Variants in ARHGAP27 observed in about 807,000 individuals in gnomAD.
ARHGAP27 encodes rho GTPase-activating protein 27.
Under a neutral mutation model 102.0 loss-of-function variants are expected in ARHGAP27, and 53 were observed. The observed-to-expected ratio is 0.52, with a 90% CI of 0.42 to 0.65. The LOEUF is 0.65. ARHGAP27 is among the 30% of genes least tolerant of loss of function. The pLI is 0.00. For synonymous variants in ARHGAP27, 525 were observed against 542.8 expected, an observed-to-expected ratio of 0.97 and a Z score of 0.46; for missense variants, 1,117 against 1,256.2, an observed-to-expected ratio of 0.89 and a Z score of 1.68.
chr17:45,400,313 A>T (rs1423707464), intron 12 of ARHGAP27, among the ~76,000 whole-genome samples: 1 of 152,184 alleles, frequency 6.6e-6, no homozygotes, highest in Non-Finnish European at 1.5e-5. Context: ...AAAGCCATCC[A>T]TCCTCAATGA....
At chr17:45,402,684 TC>T in intron 12 of ARHGAP27, 29 bp downstream of exon 12, 1 of 1,569,476 alleles carries the variant, frequency 6.4e-7, no homozygotes, top group East Asian at 2.3e-5. Context: ...CTAAGCCCCT[TC>T]CCTCCTTCTC....
At chr17:45,425,203 C>A (rs1421650067) in intron 4 of ARHGAP27, among the ~76,000 whole-genome samples, 1 of 151,776 alleles carries the variant, frequency 6.6e-6, no homozygotes, top group East Asian at 1.9e-4. Flanking sequence ...GCAGGGCCAC[C>A]CCAGGGTGGC....
At chr17:45,395,903 C>T in intron 18 of ARHGAP27, 54 bp from the exon 19 acceptor site, 2 of 1,569,848 alleles carry the variant, frequency 1.3e-6, no homozygotes, top group Admixed American at 1.8e-5. Context: ...TAGGGGGTAT[C>T]GGCTGGGCGA....
rs781451544 is a variant in ARHGAP27, at chr17:45,402,705, G to A, written c.1743+9C>T. On this transcript the variant is annotated intron_variant, in intron 12 of 19. Transcript: ENST00000685559. ...CCCTTCCCTCCTTCTCCCCAACCCCGCCACTCACCTCCAGCACATTCTTCC... is the reference window on the plus strand; with the variant it reads ...CCCTTCCCTCCTTCTCCCCAACCCCACCACTCACCTCCAGCACATTCTTCC... 7 of 1,603,246 alleles carry A rather than the reference G, an allele frequency of 4.4e-6. No individual in the cohort carries two copies. The highest frequency in any genetic ancestry group is 2.2e-5 in the East Asian group (1 of 44,662).
intron 4 of ARHGAP27, among the ~76,000 whole-genome samples, chr17:45,428,219 C>T (rs2049793554): frequency 6.6e-6 from 1 of 152,234 alleles, no homozygotes; most frequent in Non-Finnish European, 1.5e-5. Flanking sequence ...GGGTGCCGTT[C>T]CCCACCCTGG....
At position 45,430,192 on chromosome 17, in the gene ARHGAP27, G is replaced by T; in HGVS notation, c.88C>A (p.Arg30=). ...TGKDGRRVAI[R]PNERYRLLRR... is the part of the protein sequence containing the mutation. ...AGCAGCCGGTAGCGCTCATTCGGCC[G>T]GATGGCCACGCGGCGCCCGTCCTTG... Residue 30 remains arginine (R), a synonymous_variant, in exon 4 of 20, where the codon CGG becomes AGG. Transcript: ENST00000685559. The surrounding 1 kb of genome is among the most constrained non-coding windows in gnomAD (Gnocchi z 4.4). 6.5e-7 allele frequency: 1 copy of T among 1,547,864 alleles called. No individual in the cohort carries two copies. The highest frequency in any genetic ancestry group is 8.7e-7 in the Non-Finnish European group (1 of 1,154,194).
chr17:45,409,666 C>T lies in ARHGAP27; in HGVS notation c.658-3583G>A, dbSNP rs376835318. On this transcript the variant is annotated intron_variant, in intron 4 of 19. Transcript: ENST00000685559. ...AACTCTCGGCAGACCCTGCACAGTG[C>T]TGAGATAGAGATGCTCTCCTCTCCT... 7.8e-4 allele frequency: 121 copies of T among 155,140 alleles called. 1 individual carries two copies. The highest frequency in any genetic ancestry group is 7.2e-4 in the Non-Finnish European group (50 of 69,696). 9.6% of individuals were successfully genotyped at this position (155,140 alleles called of 1,614,324 possible).
Position 45,429,503 on chromosome 17 carries a change from G to C in ARHGAP27, c.657+120C>G, listed in dbSNP as rs750284680. 7.2e-6 allele frequency: 11 copies of C among 1,517,352 alleles called. No homozygotes were observed. In the African/African-American group the frequency reaches 1.3e-4, roughly 18 times the overall value. The allele number at this position is 1,517,352 out of a possible 1,614,324, so 94.0% of individuals were successfully genotyped here. The stretch of plus-strand genomic sequence containing the variant: ...GAGAGGGAGCTCATCCGAAGTCTTC[G>C]GACAGAGGTGGGCGTCGTGCCCGAC... On this transcript the variant is annotated intron_variant, in intron 4 of 19. Transcript: ENST00000685559.
Position 45,427,787 on chromosome 17 carries a change from CT to C in ARHGAP27, c.657+1835del, listed in dbSNP as rs1249427553. Among the ~76,000 whole-genome samples the C allele has an allele frequency of 1.3e-5, 2 of 152,224 alleles. No homozygotes were observed. Among genetic ancestry groups the C allele is most frequent in the African/African-American group, 2.4e-5 (1 of 41,462 alleles). ...CTGGCCAATGTCCTAGATTCCCCCC[CT>C]GGGTAAGTCCCCTACCCCTATCATC... is the stretch of plus-strand genomic sequence containing the variant. On this transcript the variant is annotated intron_variant, in intron 4 of 19. Transcript: ENST00000685559. The surrounding 1 kb of genome is among the most constrained non-coding windows in gnomAD (Gnocchi z 4.5).
intron 4 of ARHGAP27, among the ~76,000 whole-genome samples, chr17:45,412,759 G>C (rs2048052067): frequency 6.6e-6 from 1 of 152,104 alleles, no homozygotes; most frequent in Admixed American, 6.5e-5. Flanking sequence ...CATGTCCAGG[G>C]GCAGGATCGG....
intron 4 of ARHGAP27, 113 bp from the exon 5 acceptor site, chr17:45,406,196 C>G (rs1411423825): frequency 7.8e-7 from 1 of 1,274,540 alleles, no homozygotes; most frequent in African/African-American, 1.5e-5. Flanking sequence ...GCTTTATTTT[C>G]TTTAAACTTT....
chr17:45,401,171 AT>A (rs1389751916), intron 12 of ARHGAP27, among the ~76,000 whole-genome samples: 1 of 151,932 alleles, frequency 6.6e-6, no homozygotes, highest in Non-Finnish European at 1.5e-5. Context: ...GTGAGCCCCC[AT>A]CTCTATAAAA....
At chr17:45,395,707 C>T (rs1390884708) in intron 19 of ARHGAP27, 37 bp downstream of exon 19, 2 of 1,569,034 alleles carry the variant, frequency 1.3e-6, no homozygotes, top group African/African-American at 1.4e-5. Context: ...TCAGCCGGGA[C>T]CTGCCTCCCC....
At chr17:45,409,959 G>A in intron 4 of ARHGAP27, 1 of 456,202 alleles carries the variant, frequency 2.2e-6, no homozygotes, top group Middle Eastern at 5.7e-4. Flanking sequence ...TGGCTCTCAG[G>A]CTCCAGGCTG....
Position 45,396,210 on chromosome 17 carries a change from G to A in ARHGAP27, c.2248C>T (p.His750Tyr). 6.2e-7 allele frequency: 1 copy of A among 1,610,622 alleles called. No individual in the cohort carries two copies. The highest frequency in any genetic ancestry group is 8.5e-7 in the Non-Finnish European group (1 of 1,177,826). Residue 750 changes from histidine (H) to tyrosine (Y), a missense_variant, in exon 17 of 20, where the codon CAC becomes TAC. His to Tyr is a moderately conservative substitution (Grantham distance 83). Coordinates refer to ENST00000685559, the MANE Select transcript of ARHGAP27 (RefSeq NM_001282290.2). ...AGGGGTTGGGGACGGGCCTCACCGT[G>A]GTCCACCTTATAGCGTAGCTTCTGG... is the stretch of plus-strand genomic sequence containing the variant. ...TIQKLRYKVD[H>Y]DERLDLDDGR...
chr17:45,416,653 A>G (rs995921609), intron 4 of ARHGAP27, among the ~76,000 whole-genome samples: 6 of 151,100 alleles, frequency 4.0e-5, no homozygotes, highest in African/African-American at 1.5e-4. Context: ...GGTTCAAGCA[A>G]TTCTCTGCCT....
In ARHGAP27 at chr17:45,395,154, C is replaced by T; in HGVS notation, c.*302G>A. On this transcript the variant is annotated 3_prime_UTR_variant, in exon 20 of 20. Transcript: ENST00000685559. ...CCATTCCAGAAAACAAACTCTCACC[C>T]CCACACACGCTATCGCACACGCACA... 2 of 459,402 alleles carry T rather than the reference C, an allele frequency of 4.4e-6. No homozygotes were observed. Among genetic ancestry groups the T allele is most frequent in the Non-Finnish European group, 7.8e-6 (2 of 257,142 alleles). 28.5% of individuals were successfully genotyped at this position (459,402 alleles called of 1,614,324 possible). A position where few individuals can be genotyped will look rare whatever the true frequency, so the allele number is the denominator to read the frequency against.
chr17:45,397,289 A>C, intron 13 of ARHGAP27: 1 of 1,348,020 alleles, frequency 7.4e-7, no homozygotes, highest in African/African-American at 1.5e-5. Context: ...GGGGACTCCT[A>C]CCCACCTGGT....
rs1462283227 is a variant in ARHGAP27, at chr17:45,395,731, C to T, written c.2492+13G>A. On this transcript the variant is annotated intron_variant, in intron 19 of 19. Coordinates refer to ENST00000685559, the MANE Select transcript of ARHGAP27 (RefSeq NM_001282290.2). ...ACCTGCCTCCCCCTTCCCGCGCGGG[C>T]CGCCCGGCTCACCGGCAGAGGTGCT... The T allele has an allele frequency of 1.3e-6, 2 of 1,582,014 alleles. No individual in the cohort carries two copies. Among genetic ancestry groups the T allele is most frequent in the Non-Finnish European group, 1.7e-6 (2 of 1,168,612 alleles).
Sources: gnomAD v4.1 joint callset for allele counts (sites outside exome capture counted in the v4.1 genomes callset) on GRCh38, gnomAD v4.1.1 for gene constraint, Gnocchi (gnomAD v3.1) non-coding constraint, MANE v1.5 for transcripts, NCBI Gene and HGNC (gene_info 2026-07-23, HGNC 2026-07-21) for gene names.